Variants in ASZ1 observed in about 807,000 individuals in gnomAD.
The protein encoded by ASZ1 is ankyrin repeat, SAM and basic leucine zipper domain containing 1, also known as ankyrin repeat, SAM and basic leucine zipper domain-containing protein 1.
Under a neutral mutation model 61.8 loss-of-function variants are expected in ASZ1, and 67 were observed. That is an observed-to-expected ratio of 1.08 (90% confidence interval 0.89 to 1.33). ASZ1 has a LOEUF of 1.33. ASZ1 is among the 40% of genes most tolerant of loss of function. The probability of loss-of-function intolerance (pLI) is 0.00; values close to 1 mark genes in which losing one functional copy is unlikely to be tolerated. For synonymous variants in ASZ1, 193 were observed against 192.7 expected, an observed-to-expected ratio of 1.00 and a Z score of -0.01; for missense variants, 577 against 554.5, an observed-to-expected ratio of 1.04 and a Z score of -0.41.
At chr7:117,426,614 G>A (rs1202400125) in intron 2 of ASZ1, among the ~76,000 whole-genome samples, 4 of 152,110 alleles carry the variant, frequency 2.6e-5, no homozygotes, top group Non-Finnish European at 5.9e-5. Context: ...TTGCTTGAAG[G>A]AGGGGGAAGA....
rs1333342389 is a variant in ASZ1 at position 117,427,206 on chromosome 7, G to A, written c.105+150C>T. On this transcript the variant is annotated intron_variant, in intron 1 of 12. Coordinates refer to ENST00000284629, the MANE Select transcript of ASZ1 (RefSeq NM_130768.3). ...GGAGGGAACACGAGGAAATTTGTGC[G>A]GGTTTGCTTAAGTACAAACTCCCGT... 10 of 971,304 alleles carry A rather than the reference G, an allele frequency of 1.0e-5. No homozygotes were observed. The South Asian group carries it at 1.1e-4, about 11-fold the overall frequency. The allele number at this position is 971,304 out of a possible 1,614,324, so 60.2% of individuals were successfully genotyped here.
chr7:117,411,261 T>C (rs1204834220), intron 4 of ASZ1, among the ~76,000 whole-genome samples: 1 of 151,878 alleles, frequency 6.6e-6, no homozygotes, highest in Admixed American at 6.6e-5. Flanking sequence ...ATATCTATCA[T>C]TGTTTGCATA....
chr7:117,380,790 A>AAAAACG (rs1266828143), intron 9 of ASZ1, among the ~76,000 whole-genome samples: 3 of 151,642 alleles, frequency 2.0e-5, no homozygotes, highest in Admixed American at 1.3e-4. Context: ...TGAAAAAAAC[A>AAAAACG]AAAACAAAAC....
chr7:117,384,679 A>C, intron 6 of ASZ1, 47 bp downstream of exon 6: 1 of 1,543,440 alleles, frequency 6.5e-7, no homozygotes, highest in Non-Finnish European at 8.8e-7. Context: ...TACAAATGAT[A>C]ATGTGATATG....
intron 10 of ASZ1, among the ~76,000 whole-genome samples, chr7:117,379,467 A>G (rs1796210330): frequency 6.6e-6 from 1 of 151,790 alleles, no homozygotes; most frequent in African/African-American, 2.4e-5. Flanking sequence ...CCATTGCTTG[A>G]CAAGTTCATA....
At chr7:117,382,936 C>T (rs924173550) in intron 7 of ASZ1, 50 bp downstream of exon 7, 8 of 1,441,004 alleles carry the variant, frequency 5.6e-6, no homozygotes, top group African/African-American at 4.4e-5. Context: ...ATAAAATATA[C>T]ACAAATTTTA....
intron 4 of ASZ1, among the ~76,000 whole-genome samples, chr7:117,401,882 C>T (rs1284257202): frequency 3.3e-5 from 5 of 152,068 alleles, no homozygotes; most frequent in Non-Finnish European, 5.9e-5. Flanking sequence ...TTAGACCATA[C>T]GGCCGTTCTT....
intron 9 of ASZ1, among the ~76,000 whole-genome samples, chr7:117,380,537 G>A (rs1289867508): frequency 2.0e-5 from 3 of 151,634 alleles, no homozygotes; most frequent in Non-Finnish European, 4.4e-5. Flanking sequence ...CATGCAGTCA[G>A]ATCATTGCTT....
intron 4 of ASZ1, among the ~76,000 whole-genome samples, chr7:117,413,374 G>A (rs1796933338): frequency 6.6e-6 from 1 of 151,970 alleles, no homozygotes; most frequent in Non-Finnish European, 1.5e-5. Context: ...AGATTATTTA[G>A]ACAATGTATT....
At chr7:117,392,848 CTT>C (rs761543858) in intron 4 of ASZ1, among the ~76,000 whole-genome samples, 21 of 138,964 alleles carry the variant, frequency 1.5e-4, no homozygotes, top group Admixed American at 7.2e-5. Flanking sequence ...TAAGATATAT[CTT>C]TTTTTTTTTT....
At chr7:117,410,325 G>A (rs555440845) in intron 4 of ASZ1, among the ~76,000 whole-genome samples, 3 of 151,792 alleles carry the variant, frequency 2.0e-5, no homozygotes, top group African/African-American at 7.2e-5. Context: ...AGTTAGCAAG[G>A]TCATGAAGCT....
chr7:117,384,516 C>T (rs548094961), intron 6 of ASZ1, among the ~76,000 whole-genome samples: 1 of 152,170 alleles, frequency 6.6e-6, no homozygotes, highest in African/African-American at 2.4e-5. Context: ...TTTTAAATTA[C>T]TATAAGTGCT....
chr7:117,422,344 G>C lies in ASZ1; in HGVS notation c.221C>G (p.Ser74Cys). The change falls in exon 3 of 13, where the codon TCC becomes TGC. Residue 74 changes from serine to cysteine, a missense_variant. Coordinates refer to ENST00000284629, the MANE Select transcript of ASZ1 (RefSeq NM_130768.3). ...ELLDSGISVD[S>C]NFQYGWTPLM... ...GGGAGTCCATCCATACTGAAAGTTG[G>C]AATCTACACTAATGCCTGTCAATAT... 6.2e-7 allele frequency: 1 copy of C among 1,610,198 alleles called. No individual in the cohort carries two copies. Among genetic ancestry groups the C allele is most frequent in the African/African-American group, 1.3e-5 (1 of 74,370 alleles).
intron 4 of ASZ1, among the ~76,000 whole-genome samples, chr7:117,406,727 T>G (rs1266405705): frequency 2.7e-5 from 4 of 150,254 alleles, no homozygotes; most frequent in Admixed American, 6.7e-5. Context: ...CACTCCAGCC[T>G]GGGCAACAAA....
At chr7:117,387,656 C>G (rs557227054) in intron 4 of ASZ1, among the ~76,000 whole-genome samples, 111 of 152,292 alleles carry the variant, frequency 7.3e-4, no homozygotes, top group African/African-American at 2.6e-3. Context: ...CTTTTCATCA[C>G]CTCATTAGCC....
chr7:117,374,555 T>C (rs1377207797), intron 10 of ASZ1, among the ~76,000 whole-genome samples: 1 of 152,094 alleles, frequency 6.6e-6, no homozygotes, highest in Non-Finnish European at 1.5e-5. Context: ...ATGTTAGATA[T>C]ATAATCCTCA....
intron 2 of ASZ1, among the ~76,000 whole-genome samples, chr7:117,426,336 A>AT: frequency 6.6e-6 from 1 of 150,936 alleles, no homozygotes. Flanking sequence ...AAAAAAAAAA[A>AT]AAAATTAGCC....
intron 4 of ASZ1, among the ~76,000 whole-genome samples, chr7:117,386,501 A>G (rs1244349521): frequency 6.6e-6 from 1 of 152,180 alleles, no homozygotes; most frequent in Non-Finnish European, 1.5e-5. Flanking sequence ...TTCTGGGCCT[A>G]TTCCAAGGAC....
chr7:117,421,807 C>A (rs1562862103), intron 3 of ASZ1, among the ~76,000 whole-genome samples: 1 of 152,090 alleles, frequency 6.6e-6, no homozygotes, highest in East Asian at 1.9e-4. Flanking sequence ...ACTCAAAGCA[C>A]TTCTGAATGG....
Sources: gnomAD v4.1 joint callset for allele counts (sites outside exome capture counted in the v4.1 genomes callset) on GRCh38, gnomAD v4.1.1 for gene constraint, MANE v1.5 for transcripts, NCBI Gene and HGNC (gene_info 2026-07-23, HGNC 2026-07-21) for gene names.